The following DTD1 variants were observed in gnomAD, a reference collection of about 807,000 sequenced individuals.
DTD1 encodes the protein D-tyrosyl-tRNA deacylase 1 homolog.
In DTD1, 13 loss-of-function variants were observed where a neutral mutation model predicts 25.6. The ratio of observed to expected loss-of-function variants is 0.51; its 90% confidence interval spans 0.33 to 0.81. The LOEUF (loss-of-function observed/expected upper bound fraction) is 0.81, where lower values mean the gene tolerates loss of function less well. DTD1 is among the 30% of genes least tolerant of loss of function. The pLI, the probability that DTD1 is intolerant of heterozygous loss-of-function variation, is 0.02. For synonymous variants in DTD1, 110 were observed against 103.6 expected (o/e 1.06, Z -0.37); for missense variants, 193 against 266.4 (o/e 0.72, Z 1.92).
chr20:18,756,750 C>T (rs1169078401), intron 5 of DTD1, among the ~76,000 whole-genome samples: 193 of 151,660 alleles, frequency 1.3e-3, no homozygotes, highest in African/African-American at 4.2e-3. Flanking sequence ...CTTGGCAATG[C>T]GGGCTCTTTT....
At chr20:18,671,772 A>G (rs1449769661) in intron 4 of DTD1, among the ~76,000 whole-genome samples, 1 of 152,208 alleles carries the variant, frequency 6.6e-6, no homozygotes. Context: ...GGTCCTCACC[A>G]GACCTGGGCC....
intron 4 of DTD1, among the ~76,000 whole-genome samples, chr20:18,701,002 A>G (rs930478717): frequency 6.6e-6 from 1 of 152,242 alleles, no homozygotes; most frequent in African/African-American, 2.4e-5. Flanking sequence ...ATTTTTCACA[A>G]TGGTCAGTAC....
chr20:18,593,928 AACC>A (rs2060600360), intron 2 of DTD1, 107 bp downstream of exon 2: 2 of 825,234 alleles, frequency 2.4e-6, no homozygotes, highest in East Asian at 5.5e-5. Context: ...TGTCACTTTT[AACC>A]ATTGTCCCAT....
chr20:18,616,429 A>G (rs1172591059), intron 3 of DTD1, among the ~76,000 whole-genome samples: 3 of 152,108 alleles, frequency 2.0e-5, no homozygotes, highest in Admixed American at 6.6e-5. Context: ...TTGATTGTCT[A>G]TTGTGAACAG....
chr20:18,656,121 C>T (rs1021999322), intron 4 of DTD1, among the ~76,000 whole-genome samples: 3 of 151,990 alleles, frequency 2.0e-5, no homozygotes, highest in African/African-American at 7.2e-5. Context: ...CAGTATTTTT[C>T]TATGTAAATA....
At chr20:18,762,284 C>T (rs6136506) in intron 5 of DTD1, among the ~76,000 whole-genome samples, 21,907 of 152,212 alleles carry the variant, frequency 0.14, 1,683 homozygotes, top group Admixed American at 0.2. Flanking sequence ...GAATCTAGAT[C>T]TGAGGGAATA....
In DTD1 at chr20:18,628,880, T is replaced by G. The variant is rs556637988; in HGVS notation, c.477+647T>G. ...AAGGACTGAGCAAACATTTCCATTC[T>G]TCCTTCCCAGTCTCCCTCCCTTGCT... On this transcript the variant is annotated intron_variant, in intron 4 of 5. Coordinates refer to ENST00000377452, the MANE Select transcript of DTD1 (RefSeq NM_080820.6). Among the ~76,000 whole-genome samples, 193 of 152,206 alleles carry G rather than the reference T, an allele frequency of 1.3e-3. 1 individual carries two copies. The highest frequency in any genetic ancestry group is 4.6e-3 in the African/African-American group (189 of 41,530).
intron 4 of DTD1, among the ~76,000 whole-genome samples, chr20:18,693,953 C>T (rs2061059800): frequency 6.6e-6 from 1 of 152,168 alleles, no homozygotes. Flanking sequence ...GCTGCACTAG[C>T]CACGTTTCAA....
chr20:18,658,641 G>A (rs1010733204), intron 4 of DTD1, among the ~76,000 whole-genome samples: 5 of 152,178 alleles, frequency 3.3e-5, no homozygotes, highest in African/African-American at 1.2e-4. Context: ...TAAACACACA[G>A]GTAACTTGGT....
intron 5 of DTD1, among the ~76,000 whole-genome samples, chr20:18,747,298 G>A (rs1435277306): frequency 6.6e-6 from 1 of 152,078 alleles, no homozygotes; most frequent in Non-Finnish European, 1.5e-5. Flanking sequence ...TTCTTCTATT[G>A]GAGGAAAACT....
In DTD1 at chr20:18,749,246, C is replaced by T. The variant is rs1316936129; in HGVS notation, c.*19+4975C>T. 6.6e-6 allele frequency among the ~76,000 whole-genome samples: 1 copy of T among 152,118 alleles called. No homozygotes were observed. The highest frequency in any genetic ancestry group is 1.5e-5 in the Non-Finnish European group (1 of 68,008). ...GGAGGGAGAGCAGTGCAGGTGGCTCCAGGGCTCCAGGAGGCAGCTGCAGCC... is the reference window on the plus strand; with the variant it reads ...GGAGGGAGAGCAGTGCAGGTGGCTCTAGGGCTCCAGGAGGCAGCTGCAGCC... On this transcript the variant is annotated intron_variant, in intron 5 of 5. Coordinates refer to ENST00000377452, the MANE Select transcript of DTD1 (RefSeq NM_080820.6). This position sits in a 1 kb window ranked among gnomAD's most constrained non-coding sequence, Gnocchi z 4.2.
At chr20:18,686,778 T>C (rs1415199561) in intron 4 of DTD1, among the ~76,000 whole-genome samples, 1 of 152,054 alleles carries the variant, frequency 6.6e-6, no homozygotes, top group African/African-American at 2.4e-5. Flanking sequence ...GTGTGTGTTC[T>C]CTGTTGTCCA....
intron 3 of DTD1, among the ~76,000 whole-genome samples, chr20:18,618,039 G>A (rs724584): frequency 0.51 from 77,595 of 152,040 alleles, 20,176 homozygotes; most frequent in Middle Eastern, 0.56. Context: ...ACAGTGACAT[G>A]ATGAATACAT....
intron 4 of DTD1, chr20:18,698,832 C>T (rs1203855923): frequency 1.3e-5 from 2 of 152,292 alleles, no homozygotes; most frequent in East Asian, 1.9e-4. Flanking sequence ...TCATGAGTTC[C>T]GAGGCCCGAG....
chr20:18,598,562 A>G (rs987944725), intron 3 of DTD1, among the ~76,000 whole-genome samples: 4 of 152,004 alleles, frequency 2.6e-5, no homozygotes, highest in Admixed American at 1.3e-4. Context: ...CAGTGGCACA[A>G]TCTTGGCTCA....
chr20:18,633,083 A>G (rs769150361), intron 4 of DTD1, among the ~76,000 whole-genome samples: 2 of 152,208 alleles, frequency 1.3e-5, no homozygotes, highest in Non-Finnish European at 2.9e-5. Flanking sequence ...GAAAGGTTAC[A>G]AGACCATTCA....
At chr20:18,672,936 A>C in intron 4 of DTD1, among the ~76,000 whole-genome samples, 1 of 152,086 alleles carries the variant, frequency 6.6e-6, no homozygotes. Flanking sequence ...CCGGCTTCTG[A>C]GCCAAAAAGC....
At chr20:18,610,506 C>A (rs1410965641) in intron 3 of DTD1, among the ~76,000 whole-genome samples, 2 of 152,118 alleles carry the variant, frequency 1.3e-5, no homozygotes, top group South Asian at 2.1e-4. Flanking sequence ...TACATCTGAT[C>A]ATTTTGATGA....
At chr20:18,720,404 A>T (rs1181013707) in intron 4 of DTD1, among the ~76,000 whole-genome samples, 1 of 152,238 alleles carries the variant, frequency 6.6e-6, no homozygotes. Context: ...CTTAGAGAAG[A>T]TAAACTTAGC....
Sources: gnomAD v4.1 joint callset for allele counts (sites outside exome capture counted in the v4.1 genomes callset) on GRCh38, gnomAD v4.1.1 for gene constraint, Gnocchi (gnomAD v3.1) non-coding constraint, MANE v1.5 for transcripts, NCBI Gene and HGNC (gene_info 2026-07-23, HGNC 2026-07-21) for gene names.